The following CSMD2 variants were observed in gnomAD, a reference collection of about 807,000 sequenced individuals.
CSMD2 encodes CUB and sushi domain-containing protein 2.
In CSMD2, 130 loss-of-function variants were observed where a neutral mutation model predicts 398.5. The observed-to-expected ratio is 0.33, with a 90% CI of 0.28 to 0.38. The LOEUF is 0.38. Among genes scored for constraint, CSMD2 ranks in the 10% least tolerant of loss-of-function variants. CSMD2 has a pLI of 1.00. For synonymous variants in CSMD2, 1,828 were observed against 1,908.5 expected (o/e 0.96, Z 1.10); for missense variants, 3,829 against 4,764.9 (o/e 0.80, Z 5.78).
At chr1:34,059,010 T>C (rs1364736190) in intron 2 of CSMD2, among the ~76,000 whole-genome samples, 1 of 152,108 alleles carries the variant, frequency 6.6e-6, no homozygotes. Flanking sequence ...TGGTCCCCAT[T>C]TGCAAATCTA....
intron 5 of CSMD2, among the ~76,000 whole-genome samples, chr1:33,914,445 T>C (rs539872354): frequency 6.6e-6 from 1 of 152,162 alleles, no homozygotes; most frequent in African/African-American, 2.4e-5. Context: ...TGCACACATG[T>C]ATGTGTAGTC....
At position 33,567,685 on chromosome 1, in the gene CSMD2, T is replaced by G; in HGVS notation, c.8288A>C (p.Tyr2763Ser). The G allele has an allele frequency of 6.2e-7, 1 of 1,614,132 alleles. No homozygotes were observed. Among genetic ancestry groups the G allele is most frequent in the Non-Finnish European group, 8.5e-7 (1 of 1,180,022 alleles). Residue 2763 changes from tyrosine (Y) to serine (S), a missense_variant, in exon 53 of 71, where the codon TAC (tyrosine) becomes TCC (serine). Coordinates refer to ENST00000373381, the MANE Select transcript of CSMD2 (RefSeq NM_001281956.2). ...ENYSYRGSVVYQCNAGFRLIG... is the reference protein window; with the variant it reads ...ENYSYRGSVVSQCNAGFRLIG... ...CAGGCGGAAGCCAGCATTGCATTGG[T>G]ACACCACACTGCCCCGGTAGCTGTA...
chr1:33,673,059 C>G (rs2149035933), intron 25 of CSMD2, among the ~76,000 whole-genome samples: 1 of 152,364 alleles, frequency 6.6e-6, no homozygotes. Flanking sequence ...GAGTGCCTCT[C>G]CTCCTCCAAA....
intron 4 of CSMD2, among the ~76,000 whole-genome samples, chr1:33,924,168 TCC>T (rs1329932687): frequency 6.6e-6 from 1 of 152,048 alleles, no homozygotes; most frequent in African/African-American, 2.4e-5. Context: ...GACCTCCAGT[TCC>T]ACCCATGTTC....
At chr1:33,625,321 A>G in intron 33 of CSMD2, 67 bp from the exon 34 acceptor site, 2 of 1,430,072 alleles carry the variant, frequency 1.4e-6, no homozygotes, top group South Asian at 2.4e-5. Flanking sequence ...ACGGACATAC[A>G]ACGGGTCTGG....
chr1:34,143,065 T>C (rs1639451604), intron 1 of CSMD2, among the ~76,000 whole-genome samples: 2 of 152,152 alleles, frequency 1.3e-5, no homozygotes, highest in African/African-American at 2.4e-5. Flanking sequence ...GGGCAAGTCA[T>C]CTTATTCCAC....
chr1:33,557,979 G>T, intron 54 of CSMD2, 57 bp from the exon 55 acceptor site: 1 of 1,464,910 alleles, frequency 6.8e-7, no homozygotes, highest in Non-Finnish European at 9.2e-7. Context: ...AAAATCTTCC[G>T]AGCAAAACTA....
intron 3 of CSMD2, among the ~76,000 whole-genome samples, chr1:33,964,045 A>G (rs1473312004): frequency 6.6e-6 from 1 of 152,212 alleles, no homozygotes; most frequent in African/African-American, 2.4e-5. Flanking sequence ...ACAGTGTACG[A>G]GAGTCTCCCT....
intron 66 of CSMD2, 47 bp downstream of exon 66, chr1:33,524,835 T>A (rs1170961644): frequency 1.3e-6 from 2 of 1,595,510 alleles, no homozygotes; most frequent in South Asian, 2.2e-5. Flanking sequence ...GCCAAGGGTG[T>A]GTGCCCATCC....
chr1:33,605,948 A>G, intron 41 of CSMD2: 1 of 1,613,686 alleles, frequency 6.2e-7, no homozygotes, highest in Non-Finnish European at 8.5e-7. Flanking sequence ...AGAGATCAAA[A>G]CCTCTCAGGA....
intron 1 of CSMD2, among the ~76,000 whole-genome samples, chr1:34,150,227 G>A (rs568551424): frequency 1.3e-5 from 2 of 152,032 alleles, no homozygotes; most frequent in South Asian, 2.1e-4. Context: ...GACTACAGGC[G>A]TGTGCCGCCA....
intron 12 of CSMD2, among the ~76,000 whole-genome samples, chr1:33,787,132 C>G (rs531434936): frequency 4.1e-4 from 63 of 152,272 alleles, no homozygotes; most frequent in Admixed American, 2.3e-3. Flanking sequence ...AGCCAAGGAA[C>G]AGCAAGGACT....
chr1:33,934,058 T>C (rs1043459419), intron 4 of CSMD2, among the ~76,000 whole-genome samples: 1 of 152,230 alleles, frequency 6.6e-6, no homozygotes, highest in African/African-American at 2.4e-5. Context: ...ATGTAATTTT[T>C]ATCCTTGGTG....
At chr1:34,083,743 C>G (rs995628676) in intron 2 of CSMD2, among the ~76,000 whole-genome samples, 2 of 151,968 alleles carry the variant, frequency 1.3e-5, no homozygotes, top group Non-Finnish European at 2.9e-5. Context: ...ATGGTGAAAC[C>G]CTGTCTCTAC....
At chr1:33,994,172 C>T (rs953721716) in intron 3 of CSMD2, among the ~76,000 whole-genome samples, 7 of 152,052 alleles carry the variant, frequency 4.6e-5, no homozygotes, top group Non-Finnish European at 1.0e-4. Flanking sequence ...GTAGGGAGAT[C>T]TGAAAAGGGT....
At chr1:33,543,533 T>C (rs1033559527) in intron 57 of CSMD2, among the ~76,000 whole-genome samples, 1 of 152,252 alleles carries the variant, frequency 6.6e-6, no homozygotes, top group African/African-American at 2.4e-5. Context: ...AAGCAAAGAA[T>C]GTCTGGGTGT....
intron 5 of CSMD2, chr1:33,878,291 G>A (rs926551320): frequency 6.6e-6 from 1 of 152,280 alleles, no homozygotes; most frequent in African/African-American, 2.4e-5. Context: ...ACATGGGCTA[G>A]ATGTACATGA....
chr1:33,798,965 G>C (rs1655279978), intron 10 of CSMD2, among the ~76,000 whole-genome samples: 1 of 152,232 alleles, frequency 6.6e-6, no homozygotes, highest in Non-Finnish European at 1.5e-5. Context: ...AGAGTCCCGG[G>C]AGATGTAGAC....
rs183353077 is a variant in CSMD2 at position 33,984,070 on chromosome 1, C to T, written c.518-48116G>A. On this transcript the variant is annotated intron_variant, in intron 3 of 70. Transcript: ENST00000373381. Reference sequence around the variant, plus strand: ...TCGGGAGGCTGAGGCAGGAGAATGGCGTGAACCCTGGAGGCGGAGCTTGCA... The same window carrying T: ...TCGGGAGGCTGAGGCAGGAGAATGGTGTGAACCCTGGAGGCGGAGCTTGCA... Among the ~76,000 whole-genome samples the T allele has an allele frequency of 5.8e-3, 881 of 152,186 alleles. 6 individuals are homozygous for T. Among genetic ancestry groups the T allele is most frequent in the African/African-American group, 0.02 (831 of 41,538 alleles).
Sources: gnomAD v4.1 joint callset for allele counts (sites outside exome capture counted in the v4.1 genomes callset) on GRCh38, gnomAD v4.1.1 for gene constraint, MANE v1.5 for transcripts, NCBI Gene and HGNC (gene_info 2026-07-23, HGNC 2026-07-21) for gene names.